The following SDK1 variants were observed in gnomAD, a reference collection of about 807,000 sequenced individuals.
The protein encoded by SDK1 is protein sidekick-1.
A neutral mutation model predicts 245.5 loss-of-function variants in SDK1; 157 were observed. The ratio of observed to expected loss-of-function variants is 0.64; its 90% CI spans 0.56 to 0.73. The LOEUF is 0.73. Ranked by LOEUF, SDK1 falls within the 30% of genes least tolerant of loss-of-function variation. SDK1 has a pLI of 0.00. For missense variants in SDK1, 3,583 were observed against 3,002.3 expected (o/e 1.19, Z -4.52); for synonymous variants, 1,647 against 1,278.5 (o/e 1.29, Z -6.15).
rs76759609 is a variant in SDK1 at position 3,524,340 on chromosome 7, G to C, written c.299-94740G>C. ...ACAAAATTACTGTGGTTGCGGTGTT[G>C]AGAATAGTGAGATGGTGGCAAGGAT... On this transcript the variant is annotated intron_variant, in intron 1 of 44. Coordinates refer to ENST00000404826, the MANE Select transcript of SDK1 (RefSeq NM_152744.4). 4.4e-3 allele frequency among the ~76,000 whole-genome samples: 676 copies of C among 152,252 alleles called. 5 individuals are homozygous for C. Among genetic ancestry groups the C allele is most frequent in the Middle Eastern group, 0.01 (3 of 294 alleles).
chr7:3,319,876 G>GTTTTTTTTTTTTTTTTTT (rs1562411105), intron 1 of SDK1, among the ~76,000 whole-genome samples: 3 of 40,990 alleles, frequency 7.3e-5, no homozygotes, highest in African/African-American at 3.8e-4. Flanking sequence ...CCCATTCTTA[G>GTTTTTTTTTTTTTTTTTT]TCTTTTTTTT....
chr7:3,330,928 T>A (rs1173393681), intron 1 of SDK1, among the ~76,000 whole-genome samples: 1 of 151,722 alleles, frequency 6.6e-6, no homozygotes, highest in African/African-American at 2.4e-5. Context: ...ATCCTGTCAT[T>A]GCACTCCAGC....
intron 1 of SDK1, among the ~76,000 whole-genome samples, chr7:3,318,741 C>G (rs1779724027): frequency 6.6e-6 from 1 of 152,062 alleles, no homozygotes; most frequent in African/African-American, 2.4e-5. Context: ...CTAGCATAGC[C>G]CTTGCCATTG....
At chr7:3,891,250 G>A (rs147895747) in intron 5 of SDK1, among the ~76,000 whole-genome samples, 19 of 152,176 alleles carry the variant, frequency 1.2e-4, no homozygotes, top group African/African-American at 4.3e-4. Flanking sequence ...AGGGGGTGTC[G>A]ATTGGGCCTC....
At chr7:4,215,849 C>G (rs1393865824) in intron 38 of SDK1, among the ~76,000 whole-genome samples, 4 of 152,170 alleles carry the variant, frequency 2.6e-5, no homozygotes, top group Non-Finnish European at 5.9e-5. Context: ...TCCCCCCTGC[C>G]CTGCTCCACT....
At chr7:3,920,744 G>A (rs957610222) in intron 5 of SDK1, among the ~76,000 whole-genome samples, 3 of 150,130 alleles carry the variant, frequency 2.0e-5, no homozygotes, top group African/African-American at 7.6e-5. Context: ...GGTAAAGGGA[G>A]ACTATGCAGA....
At chr7:3,553,504 C>T (rs1238623260) in intron 1 of SDK1, among the ~76,000 whole-genome samples, 1 of 152,172 alleles carries the variant, frequency 6.6e-6, no homozygotes, top group Non-Finnish European at 1.5e-5. Context: ...GGGCATCTCA[C>T]ATTCCCTCAC....
At chr7:3,540,081 A>AGGCCT (rs1779010699) in intron 1 of SDK1, among the ~76,000 whole-genome samples, 1 of 152,352 alleles carries the variant, frequency 6.6e-6, no homozygotes, top group East Asian at 1.9e-4. Flanking sequence ...ATTTGATTGA[A>AGGCCT]GGCCTTCTCA....
chr7:4,152,729 A>G (rs1014196008), intron 30 of SDK1, among the ~76,000 whole-genome samples: 4 of 152,210 alleles, frequency 2.6e-5, no homozygotes, highest in African/African-American at 9.7e-5. Flanking sequence ...CCACAGTATA[A>G]TCTCCCTTCC....
chr7:4,128,901 TG>T, intron 26 of SDK1, among the ~76,000 whole-genome samples: 1 of 111,212 alleles, frequency 9.0e-6, no homozygotes, highest in Non-Finnish European at 1.9e-5. Flanking sequence ...CAGCTTGGGG[TG>T]GGGTCCCCTG....
chr7:3,807,787 G>C (rs56316331), intron 4 of SDK1, among the ~76,000 whole-genome samples: 29,686 of 152,106 alleles, frequency 0.2, 3,188 homozygotes, highest in Middle Eastern at 0.34. Context: ...AGTCTTGATT[G>C]TTCATGTTCT....
At chr7:4,253,639 T>C (rs1787450287) in intron 44 of SDK1, among the ~76,000 whole-genome samples, 1 of 152,206 alleles carries the variant, frequency 6.6e-6, no homozygotes. Context: ...TGTATGTGTC[T>C]GTAGGTCTAG....
chr7:4,012,409 A>G (rs1327619385), intron 16 of SDK1, among the ~76,000 whole-genome samples, 174 bp downstream of exon 16: 5 of 152,116 alleles, frequency 3.3e-5, no homozygotes, highest in East Asian at 3.9e-4. Context: ...GCACAGGCCA[A>G]CGTGGGCAGC....
intron 1 of SDK1, among the ~76,000 whole-genome samples, chr7:3,529,868 T>A (rs181450592): frequency 6.6e-6 from 1 of 152,036 alleles, no homozygotes; most frequent in African/African-American, 2.4e-5. Context: ...CTGACAAAAT[T>A]GTATTCCTGA....
intron 4 of SDK1, among the ~76,000 whole-genome samples, chr7:3,799,352 C>A (rs1352981902): frequency 6.6e-6 from 1 of 151,258 alleles, no homozygotes; most frequent in East Asian, 2.0e-4. Context: ...CTCATTTAGG[C>A]CCCTTCTAAG....
At chr7:3,474,807 C>G (rs1453661632) in intron 1 of SDK1, among the ~76,000 whole-genome samples, 1 of 152,200 alleles carries the variant, frequency 6.6e-6, no homozygotes, top group Non-Finnish European at 1.5e-5. Context: ...CTTCCTACCA[C>G]AACCTCTTCA....
chr7:3,874,613 G>A (rs1189949677), intron 5 of SDK1, among the ~76,000 whole-genome samples: 2 of 151,902 alleles, frequency 1.3e-5, no homozygotes, highest in Admixed American at 1.3e-4. Context: ...CCGTTCCCCT[G>A]CCCTATCTGC....
intron 1 of SDK1, among the ~76,000 whole-genome samples, chr7:3,431,082 A>G (rs956174832): frequency 1.3e-5 from 2 of 151,850 alleles, no homozygotes; most frequent in Admixed American, 6.6e-5. Context: ...TTTATTTTTC[A>G]TAGAGACAGG....
chr7:3,829,702 G>T lies in SDK1; in HGVS notation c.847+8119G>T, dbSNP rs186909051. Among the ~76,000 whole-genome samples, 13 of 152,298 alleles carry T rather than the reference G, an allele frequency of 8.5e-5. No homozygotes were observed. The East Asian group carries it at 2.5e-3, about 29-fold the overall frequency. On this transcript the variant is annotated intron_variant, in intron 5 of 44. Coordinates refer to ENST00000404826, the MANE Select transcript of SDK1 (RefSeq NM_152744.4). ...AACTTGGGAGGAGGCCATCCAGCAG[G>T]AAGGCTCTCTGCGAAGAGCTCTGTG...
Sources: allele counts gnomAD v4.1 joint callset (sites outside exome capture counted in the v4.1 genomes callset), GRCh38; gene constraint gnomAD v4.1.1; transcripts MANE v1.5; gene names NCBI Gene and HGNC (gene_info 2026-07-23, HGNC 2026-07-21).